The following RIPOR2 variants were observed in gnomAD, a reference collection of about 807,000 sequenced individuals.
The protein encoded by RIPOR2 is rho family-interacting cell polarization regulator 2.
In RIPOR2, 39 loss-of-function variants were observed where a neutral mutation model predicts 114.5. That is an observed-to-expected ratio of 0.34 (90% CI 0.26 to 0.44). The LOEUF (loss-of-function observed/expected upper bound fraction) is 0.44, where lower values mean the gene tolerates loss of function less well. Ranked by LOEUF, RIPOR2 falls within the 20% of genes least tolerant of loss-of-function variation. The pLI is 1.00. For synonymous variants in RIPOR2, 445 were observed against 484.4 expected (o/e 0.92, Z 1.07); for missense variants, 1,007 against 1,255.1 (o/e 0.80, Z 2.99).
chr6:24,919,066 T>C (rs1770295395), intron 1 of RIPOR2, among the ~76,000 whole-genome samples: 2 of 152,182 alleles, frequency 1.3e-5, no homozygotes, highest in African/African-American at 4.8e-5. Flanking sequence ...GAGGTGAAAG[T>C]GGAAATCCAA....
At chr6:24,882,361 A>G (rs1395153852) in intron 1 of RIPOR2, among the ~76,000 whole-genome samples, 1 of 152,230 alleles carries the variant, frequency 6.6e-6, no homozygotes, top group Non-Finnish European at 1.5e-5. Context: ...ACCTCCTTTC[A>G]ACATCTGCCA....
At chr6:24,806,616 A>G (rs1562205880) in intron 21 of RIPOR2, 143 bp from the exon 22 acceptor site, 4 of 605,928 alleles carry the variant, frequency 6.6e-6, no homozygotes, top group Admixed American at 3.5e-5. Context: ...ATCTTTTGTT[A>G]TTCCTAATTA....
intron 1 of RIPOR2, among the ~76,000 whole-genome samples, chr6:24,953,525 G>A (rs917194220): frequency 1.1e-4 from 16 of 152,152 alleles, no homozygotes; most frequent in South Asian, 2.1e-4. Context: ...ACCAGAAAGC[G>A]AATCAGCTGA....
At chr6:24,981,264 G>A (rs1355137786) in intron 1 of RIPOR2, among the ~76,000 whole-genome samples, 2 of 152,140 alleles carry the variant, frequency 1.3e-5, no homozygotes, top group Non-Finnish European at 2.9e-5. Context: ...TCCCCATAGA[G>A]CCATAGTGGA....
chr6:25,019,774 C>CAAAAAAAAAAAAAAAAAAAAAAAGAAAA (rs1776214449), intron 1 of RIPOR2, among the ~76,000 whole-genome samples: 1 of 53,122 alleles, frequency 1.9e-5, no homozygotes, highest in Non-Finnish European at 3.1e-5. Flanking sequence ...GACTCTGTCT[C>CAAAAAAAAAAAAAAAAAAAAAAAGAAAA]AAAAAAAAAA....
rs1343517640 is a variant in RIPOR2 at position 24,862,804 on chromosome 6, AC to A, written c.652-1769del. Among the ~76,000 whole-genome samples the A allele has an allele frequency of 7.6e-5, 10 of 130,880 alleles. No individual in the cohort carries two copies. In the South Asian group the frequency reaches 1.4e-3, roughly 19 times the overall value. The allele number at this position is 130,880 out of a possible 152,430, so 85.9% of individuals were successfully genotyped here. A position where few individuals can be genotyped will look rare whatever the true frequency, so the allele number is the denominator to read the frequency against. ...AAATTTTCCTCCCCCGACCACTGGCACCCCCCCACCACCCACAGCCACTGAT... is the reference window on the plus strand; with the variant it reads ...AAATTTTCCTCCCCCGACCACTGGCACCCCCCACCACCCACAGCCACTGAT... On this transcript the variant is annotated intron_variant, in intron 7 of 21. Coordinates refer to ENST00000643898, the MANE Select transcript of RIPOR2 (RefSeq NM_001286445.3).
intron 19 of RIPOR2, among the ~76,000 whole-genome samples, chr6:24,820,402 TA>T (rs1340060567): frequency 6.6e-6 from 1 of 152,244 alleles, no homozygotes; most frequent in Non-Finnish European, 1.5e-5. Flanking sequence ...CCATAATATT[TA>T]GACTACAGCA....
At chr6:24,936,698 G>A (rs561893275), upstream of RIPOR2, among the ~76,000 whole-genome samples, 87 of 152,244 alleles carry the variant, frequency 5.7e-4, no homozygotes, top group African/African-American at 1.9e-3. Context: ...GCTTCTACGC[G>A]AGCACCATTG....
intron 1 of RIPOR2, among the ~76,000 whole-genome samples, chr6:24,986,914 T>C (rs1211337799): frequency 9.3e-6 from 1 of 107,488 alleles, no homozygotes; most frequent in South Asian, 3.5e-4. Flanking sequence ...TGGTAGCTGA[T>C]GAGCTAAAAA....
intron 12 of RIPOR2, chr6:24,847,807 T>C: frequency 8.4e-7 from 1 of 1,192,042 alleles, no homozygotes; most frequent in Non-Finnish European, 1.2e-6. Context: ...TTATATGCAC[T>C]TCTTTAAAAG....
rs1413422839 is a variant in RIPOR2 at position 24,927,307 on chromosome 6, A to G, written c.61+8531T>C. 3.4e-5 allele frequency among the ~76,000 whole-genome samples: 5 copies of G among 147,794 alleles called. No homozygotes were observed. The Admixed American group carries it at 3.4e-4, about 10-fold the overall frequency. On this transcript the variant is annotated intron_variant, in intron 1 of 21. Coordinates refer to ENST00000643898, the MANE Select transcript of RIPOR2 (RefSeq NM_001286445.3). ...CACCACCACCACCACCACCACCACA[A>G]CTACAATCACTACCACCATCACCAC...
chr6:25,030,509 C>T (rs1776871667), intron 1 of RIPOR2, among the ~76,000 whole-genome samples: 1 of 152,122 alleles, frequency 6.6e-6, no homozygotes, highest in African/African-American at 2.4e-5. Flanking sequence ...AATAACTATA[C>T]TTTATAAGAA....
At chr6:24,907,524 A>C (rs935410093) in intron 1 of RIPOR2, among the ~76,000 whole-genome samples, 3 of 152,208 alleles carry the variant, frequency 2.0e-5, no homozygotes, top group African/African-American at 4.8e-5. Context: ...TGACCAAAAA[A>C]CAAAACAAAA....
In RIPOR2 at chr6:24,825,375, T is replaced by A. The variant is rs559836162; in HGVS notation, c.2719A>T (p.Met907Leu). ...AGGTTGCTGGGAGCAAGGTCACTCA[T>A]GGTTTGTAGCAGTTTTTCATCTCTT... is the stretch of plus-strand genomic sequence containing the variant. ...SLRDEKLLQT[M>L]SDLAPSNLLA... The change falls in exon 19 of 22, where the codon ATG becomes TTG. Residue 907 changes from methionine (M) to leucine (L), a missense_variant. By Grantham distance (15) the Met-to-Leu change is conservative (BLOSUM62 2). Transcript: ENST00000643898. The A allele has an allele frequency of 1.3e-6, 2 of 1,552,144 alleles. No individual in the cohort carries two copies. Among genetic ancestry groups the A allele is most frequent in the Non-Finnish European group, 1.7e-6 (2 of 1,147,062 alleles).
At chr6:24,949,049 T>C (rs1264624510) in intron 1 of RIPOR2, among the ~76,000 whole-genome samples, 1 of 150,700 alleles carries the variant, frequency 6.6e-6, no homozygotes. Flanking sequence ...CATGTCACTC[T>C]CTCCTCCTTA....
At chr6:24,862,336 G>A (rs1382293391) in intron 7 of RIPOR2, among the ~76,000 whole-genome samples, 1 of 152,226 alleles carries the variant, frequency 6.6e-6, no homozygotes, top group African/African-American at 2.4e-5. Context: ...CACAAGGCTA[G>A]GGGTTCGAGG....
chr6:24,916,133 T>C (rs1215779267), intron 1 of RIPOR2, among the ~76,000 whole-genome samples: 1 of 152,234 alleles, frequency 6.6e-6, no homozygotes, highest in Non-Finnish European at 1.5e-5. Flanking sequence ...TGACAATTCC[T>C]GCTTCCACCT....
intron 1 of RIPOR2, among the ~76,000 whole-genome samples, chr6:24,933,979 A>G (rs1314963043): frequency 6.6e-6 from 1 of 152,158 alleles, no homozygotes; most frequent in Non-Finnish European, 1.5e-5. Flanking sequence ...CTTGGTCTTA[A>G]CGCTTCCCTT....
intron 1 of RIPOR2, among the ~76,000 whole-genome samples, chr6:25,036,527 G>T (rs1375320129): frequency 6.6e-6 from 1 of 151,940 alleles, no homozygotes; most frequent in Non-Finnish European, 1.5e-5. Context: ...GAGTAGCTGG[G>T]TTTACAGGCA....
Sources: gnomAD v4.1 joint callset for allele counts (sites outside exome capture counted in the v4.1 genomes callset) on GRCh38, gnomAD v4.1.1 for gene constraint, MANE v1.5 for transcripts, NCBI Gene and HGNC (gene_info 2026-07-23, HGNC 2026-07-21) for gene names.